Variants in CERS6 observed in about 807,000 individuals in gnomAD.
CERS6 encodes the protein LAG1 homolog, ceramide synthase 6.
Under a neutral mutation model 56.8 loss-of-function variants are expected in CERS6, and 26 were observed. The ratio of observed to expected loss-of-function variants is 0.46; its 90% confidence interval spans 0.34 to 0.63. The LOEUF (loss-of-function observed/expected upper bound fraction) is 0.63. Among genes scored for constraint, CERS6 ranks in the 30% least tolerant of loss-of-function variants. The pLI, the probability that CERS6 is intolerant of heterozygous loss-of-function variation, is 0.01. For synonymous variants in CERS6, 164 were observed against 173.3 expected, an observed-to-expected ratio of 0.95 and a Z score of 0.42; for missense variants, 415 against 467.5, an observed-to-expected ratio of 0.89 and a Z score of 1.04.
At chr2:168,695,583 T>C (rs1037295815) in intron 6 of CERS6, among the ~76,000 whole-genome samples, 2 of 152,348 alleles carry the variant, frequency 1.3e-5, no homozygotes, top group Non-Finnish European at 2.9e-5. Context: ...GCTTTCGTCC[T>C]ACCAGCTTCT....
At chr2:168,615,866 A>G (rs1372631779) in intron 3 of CERS6, among the ~76,000 whole-genome samples, 1 of 152,224 alleles carries the variant, frequency 6.6e-6, no homozygotes, top group Non-Finnish European at 1.5e-5. Context: ...AGACACACAA[A>G]GAACATCTGG....
intron 1 of CERS6, among the ~76,000 whole-genome samples, chr2:168,467,275 GTTT>G (rs1302216532): frequency 9.2e-5 from 14 of 152,186 alleles, no homozygotes; most frequent in African/African-American, 3.4e-4. Flanking sequence ...TGTAGATCTT[GTTT>G]TAATAGCTCA....
At chr2:168,477,239 C>T (rs893488642) in intron 1 of CERS6, among the ~76,000 whole-genome samples, 1 of 144,620 alleles carries the variant, frequency 6.9e-6, no homozygotes, top group African/African-American at 2.6e-5. Flanking sequence ...GCACTAATTC[C>T]ATTCATGGTT....
At chr2:168,545,580 C>G (rs572776685) in intron 1 of CERS6, among the ~76,000 whole-genome samples, 1 of 151,788 alleles carries the variant, frequency 6.6e-6, no homozygotes, top group African/African-American at 2.4e-5. Flanking sequence ...TTCTTGACTC[C>G]CCTACTGCCT....
chr2:168,460,666 C>T (rs553654475), intron 1 of CERS6, among the ~76,000 whole-genome samples: 6 of 152,280 alleles, frequency 3.9e-5, no homozygotes, highest in South Asian at 2.1e-4. Context: ...GCAATTGTTC[C>T]GTTTCCTTAG....
chr2:168,548,173 A>G (rs1375344695), intron 2 of CERS6, among the ~76,000 whole-genome samples: 3 of 152,218 alleles, frequency 2.0e-5, no homozygotes, highest in Non-Finnish European at 4.4e-5. Context: ...GCATAACTGC[A>G]GGATAAAAGA....
At chr2:168,493,006 A>G (rs191936836) in intron 1 of CERS6, among the ~76,000 whole-genome samples, 1 of 152,158 alleles carries the variant, frequency 6.6e-6, no homozygotes, top group East Asian at 1.9e-4. Context: ...CATTAGTACT[A>G]TTACTTGTTT....
intron 8 of CERS6, among the ~76,000 whole-genome samples, chr2:168,736,253 G>A (rs748607199): frequency 1.3e-5 from 2 of 152,184 alleles, no homozygotes; most frequent in Admixed American, 6.5e-5. Context: ...TTAAAGCACT[G>A]TATAGCACTG....
At chr2:168,504,351 A>G (rs558514563) in intron 1 of CERS6, among the ~76,000 whole-genome samples, 42 of 151,878 alleles carry the variant, frequency 2.8e-4, no homozygotes, top group Non-Finnish European at 5.0e-4. Context: ...AGTCTGGGTG[A>G]CAGAGTGAGA....
rs1272810587 is a variant in CERS6 at position 168,771,683 on chromosome 2, G to A, written c.*2021G>A. 1.3e-5 allele frequency: 2 copies of A among 152,252 alleles called. No homozygotes were observed. Among genetic ancestry groups the A allele is most frequent in the South Asian group, 2.1e-4 (1 of 4,816 alleles). 9.4% of individuals were successfully genotyped at this position (152,252 alleles called of 1,614,324 possible). ...ATATTTAGCTTGCTTTAGTGTCTGG[G>A]GCAAGTCCTCTCAATGGCTAAAATT... On this transcript the variant is annotated 3_prime_UTR_variant, in exon 10 of 10. Coordinates refer to ENST00000305747, the MANE Select transcript of CERS6 (RefSeq NM_203463.3).
chr2:168,505,993 G>A (rs1316535297), intron 1 of CERS6, among the ~76,000 whole-genome samples: 1 of 152,176 alleles, frequency 6.6e-6, no homozygotes, highest in Non-Finnish European at 1.5e-5. Flanking sequence ...TGCTTTATGT[G>A]TGGGGCCATG....
Position 168,765,747 on chromosome 2 carries a change from A to G in CERS6, c.1001A>G (p.Lys334Arg), listed in dbSNP as rs1227412298. The change falls in exon 9 of 10, where the codon AAG (lysine) becomes AGG (arginine). Residue 334 changes from lysine to arginine, a missense_variant and splice_region_variant. Physicochemically the swap from Lys to Arg is conservative, Grantham distance 26 (BLOSUM62 2). Transcript: ENST00000305747. ...KIACKAVSRG[K>R]VSKDDRSDIE... ...GCTTGCAAAGCTGTTTCAAGAGGCA[A>G]GGTAAGCTACAACTCACTTTTTCCA... is the stretch of plus-strand genomic sequence containing the variant. 3.1e-6 allele frequency: 5 copies of G among 1,608,868 alleles called. No individual in the cohort carries two copies. The highest frequency in any genetic ancestry group is 2.7e-5 in the African/African-American group (2 of 74,892).
chr2:168,504,759 C>T (rs946679756), intron 1 of CERS6, among the ~76,000 whole-genome samples: 1 of 152,036 alleles, frequency 6.6e-6, no homozygotes, highest in Non-Finnish European at 1.5e-5. Context: ...GCTGCAGGGG[C>T]TAGTGCAAGG....
At chr2:168,730,439 G>C (rs1006392818) in intron 8 of CERS6, among the ~76,000 whole-genome samples, 1 of 152,186 alleles carries the variant, frequency 6.6e-6, no homozygotes, top group Non-Finnish European at 1.5e-5. Flanking sequence ...CCTGAGTGAA[G>C]CAAAGAGAGA....
rs181224096 is a variant in CERS6, at chr2:168,610,134, C to T, written c.408-20851C>T. On this transcript the variant is annotated intron_variant, in intron 3 of 9. Transcript: ENST00000305747. ...CTGGGACTACAGGCGCCCACCACCA[C>T]GCCTGGTTAATTTTTTGTATTTTTA... is the stretch of plus-strand genomic sequence containing the variant. 2.3e-3 allele frequency among the ~76,000 whole-genome samples: 354 copies of T among 152,006 alleles called. 2 individuals are homozygous for T. The highest frequency in any genetic ancestry group is 7.7e-3 in the African/African-American group (319 of 41,474).
At chr2:168,520,830 G>A (rs1321752806) in intron 1 of CERS6, among the ~76,000 whole-genome samples, 2 of 151,596 alleles carry the variant, frequency 1.3e-5, no homozygotes, top group East Asian at 1.9e-4. Context: ...GGCTGGTCTC[G>A]AACTCCTGAC....
At chr2:168,722,749 G>A (rs987018105) in intron 8 of CERS6, among the ~76,000 whole-genome samples, 2 of 152,164 alleles carry the variant, frequency 1.3e-5, no homozygotes, top group African/African-American at 4.8e-5. Context: ...GGTCAGACAC[G>A]TTTGCACAGC....
chr2:168,739,052 A>ATTTTTTT (rs59967315), intron 8 of CERS6, among the ~76,000 whole-genome samples: 21 of 87,644 alleles, frequency 2.4e-4, no homozygotes, highest in African/African-American at 3.5e-4. Flanking sequence ...CACCCGGCTA[A>ATTTTTTT]TTTTTTTTTT....
intron 8 of CERS6, among the ~76,000 whole-genome samples, 192 bp from the exon 9 acceptor site, chr2:168,765,400 T>C (rs955583823): frequency 6.6e-6 from 1 of 152,226 alleles, no homozygotes; most frequent in African/African-American, 2.4e-5. Flanking sequence ...TAAAACCAAA[T>C]GAAAGTCACA....
Sources: gnomAD v4.1 joint callset for allele counts (sites outside exome capture counted in the v4.1 genomes callset) on GRCh38, gnomAD v4.1.1 for gene constraint, MANE v1.5 for transcripts, NCBI Gene and HGNC (gene_info 2026-07-23, HGNC 2026-07-21) for gene names.